Variants in AHCYL2 observed in about 807,000 individuals in gnomAD.
AHCYL2 encodes the protein adenosylhomocysteinase like 2.
In AHCYL2, 28 loss-of-function variants were observed where a neutral mutation model predicts 81.4. That is an observed-to-expected ratio of 0.34 (90% confidence interval 0.25 to 0.47). The LOEUF is 0.47. AHCYL2 is among the 20% of genes least tolerant of loss of function. The pLI, the probability that AHCYL2 is intolerant of heterozygous loss-of-function variation, is 1.00. For missense variants in AHCYL2, 551 were observed against 785.1 expected (o/e 0.70, Z 3.56); for synonymous variants, 272 against 290.2 (o/e 0.94, Z 0.64).
At chr7:129,311,992 T>C (rs1797673385) in intron 1 of AHCYL2, among the ~76,000 whole-genome samples, 1 of 152,194 alleles carries the variant, frequency 6.6e-6, no homozygotes, top group Non-Finnish European at 1.5e-5. Flanking sequence ...TTTTTTTTCT[T>C]CTTCTTTTGG....
intron 1 of AHCYL2, among the ~76,000 whole-genome samples, chr7:129,341,035 G>T (rs1237014198): frequency 6.6e-6 from 1 of 152,136 alleles, no homozygotes; most frequent in Non-Finnish European, 1.5e-5. Context: ...TCAAAAGTTG[G>T]CTGGGGCTGC....
intron 1 of AHCYL2, among the ~76,000 whole-genome samples, chr7:129,279,792 T>A (rs1796364268): frequency 6.6e-6 from 1 of 152,202 alleles, no homozygotes; most frequent in South Asian, 2.1e-4. Flanking sequence ...TAGGGTAACT[T>A]CTGATGTTGC....
intron 1 of AHCYL2, among the ~76,000 whole-genome samples, chr7:129,328,648 A>C (rs924751157): frequency 3.3e-5 from 5 of 151,634 alleles, no homozygotes; most frequent in Admixed American, 1.3e-4. Context: ...CTACCACCCA[A>C]CTAATTTTTG....
At chr7:129,264,551 T>G (rs1175789486) in intron 1 of AHCYL2, among the ~76,000 whole-genome samples, 1 of 151,984 alleles carries the variant, frequency 6.6e-6, no homozygotes, top group Non-Finnish European at 1.5e-5. Flanking sequence ...TCTGTGAAAT[T>G]ATAGTAGAGA....
rs146432565 is a variant in AHCYL2 at position 129,312,657 on chromosome 7, C to T, written c.364-66981C>T. 6.0e-4 allele frequency among the ~76,000 whole-genome samples: 92 copies of T among 152,216 alleles called. 2 individuals are homozygous for T. The East Asian group carries it at 0.016, about 27-fold the overall frequency. ...CAAGATTACCTTTTTGCTACAGTTA[C>T]CTATAACTATTTAGACTTTTTTTAT... On this transcript the variant is annotated intron_variant, in intron 1 of 16. Coordinates refer to ENST00000325006, the MANE Select transcript of AHCYL2 (RefSeq NM_015328.4).
intron 1 of AHCYL2, among the ~76,000 whole-genome samples, chr7:129,240,846 TA>T (rs1201121556): frequency 1.3e-5 from 2 of 152,044 alleles, no homozygotes; most frequent in African/African-American, 4.8e-5. Flanking sequence ...CCGAGGAATG[TA>T]GGGGGAAGAT....
At chr7:129,391,427 T>C (rs959784264) in intron 4 of AHCYL2, among the ~76,000 whole-genome samples, 6 of 152,226 alleles carry the variant, frequency 3.9e-5, no homozygotes, top group African/African-American at 1.4e-4. Context: ...CATTTGAAAA[T>C]TGTACCAGCT....
intron 1 of AHCYL2, among the ~76,000 whole-genome samples, chr7:129,325,728 C>CT (rs1272025375): frequency 2.0e-3 from 287 of 145,530 alleles, no homozygotes; most frequent in Middle Eastern, 7.0e-3. Flanking sequence ...TTTTCTTTTT[C>CT]TTTTTTTTTT....
intron 6 of AHCYL2, among the ~76,000 whole-genome samples, chr7:129,402,913 T>C (rs1796102248): frequency 7.0e-6 from 1 of 142,626 alleles, no homozygotes; most frequent in South Asian, 2.4e-4. Flanking sequence ...CTTAATTATC[T>C]GACCATTTAT....
At chr7:129,240,387 T>G (rs1026178258) in intron 1 of AHCYL2, among the ~76,000 whole-genome samples, 2 of 151,442 alleles carry the variant, frequency 1.3e-5, no homozygotes, top group African/African-American at 4.9e-5. Flanking sequence ...CAACAGGTAA[T>G]GCTTAAAACT....
chr7:129,373,452 T>A (rs1032952409), intron 1 of AHCYL2, among the ~76,000 whole-genome samples: 1 of 151,740 alleles, frequency 6.6e-6, no homozygotes, highest in Non-Finnish European at 1.5e-5. Context: ...GCAAAAAAAC[T>A]AGCCAGGCGT....
rs977034364 is a variant in AHCYL2, at chr7:129,281,963, C to T, written c.363+56524C>T. On this transcript the variant is annotated intron_variant, in intron 1 of 16. Transcript: ENST00000325006. ...TCAGTTAGAAACACTTCCTAATTTC[C>T]CTTTTGATTTGTTCTTTGACCCATC... is the stretch of plus-strand genomic sequence containing the variant. Among the ~76,000 whole-genome samples, 36 of 152,114 alleles carry T rather than the reference C, an allele frequency of 2.4e-4. 1 individual carries two copies. Among genetic ancestry groups the T allele is most frequent in the Non-Finnish European group, 4.4e-5 (3 of 68,008 alleles).
At chr7:129,423,196 A>G (rs113344972) in intron 13 of AHCYL2, among the ~76,000 whole-genome samples, 5 of 152,364 alleles carry the variant, frequency 3.3e-5, no homozygotes, top group African/African-American at 1.2e-4. Flanking sequence ...TTATTACTAT[A>G]GAAGGAATTC....
intron 1 of AHCYL2, among the ~76,000 whole-genome samples, chr7:129,304,531 A>G (rs1378620211): frequency 6.6e-6 from 1 of 152,176 alleles, no homozygotes; most frequent in Admixed American, 6.5e-5. Flanking sequence ...TTTAGCTCTA[A>G]TAATACTTCC....
chr7:129,269,897 C>A (rs549176995), intron 1 of AHCYL2, among the ~76,000 whole-genome samples: 20 of 152,080 alleles, frequency 1.3e-4, no homozygotes, highest in Non-Finnish European at 2.2e-4. Context: ...AAAATATATT[C>A]TTTATTGATA....
intron 1 of AHCYL2, among the ~76,000 whole-genome samples, chr7:129,259,214 G>C (rs1336990451): frequency 6.6e-6 from 1 of 152,162 alleles, no homozygotes; most frequent in East Asian, 1.9e-4. Flanking sequence ...GAGAGATGTG[G>C]TGTGTACCTA....
At chr7:129,314,253 CTG>C (rs1401157761) in intron 1 of AHCYL2, among the ~76,000 whole-genome samples, 1 of 152,200 alleles carries the variant, frequency 6.6e-6, no homozygotes, top group Non-Finnish European at 1.5e-5. Flanking sequence ...TTCCTCTGTA[CTG>C]TCTCATAATA....
At position 129,426,787 on chromosome 7, in the gene AHCYL2, A is replaced by G. The variant is rs1474392908; in HGVS notation, c.1829+224A>G. The stretch of plus-strand genomic sequence containing the variant: ...AGAGGTGGAGTTTGGGTAAGTGGCT[A>G]TTTGCCTCATTAAATAAAGTTCCCC... On this transcript the variant is annotated intron_variant, in intron 16 of 16. Coordinates refer to ENST00000325006, the MANE Select transcript of AHCYL2 (RefSeq NM_015328.4). This position sits in a 1 kb window ranked among gnomAD's most constrained non-coding sequence, Gnocchi z 4.3. Among the ~76,000 whole-genome samples, 3 of 139,772 alleles carry G rather than the reference A, an allele frequency of 2.1e-5. No individual in the cohort carries two copies. Among genetic ancestry groups the G allele is most frequent in the Admixed American group, 1.4e-4 (2 of 14,106 alleles). 91.7% of individuals were successfully genotyped at this position (139,772 alleles called of 152,430 possible).
chr7:129,424,778 G>A lies in AHCYL2; in HGVS notation c.1561-96G>A, dbSNP rs1797281620. On this transcript the variant is annotated intron_variant, in intron 13 of 16. Transcript: ENST00000325006. Reference sequence around the variant, plus strand: ...TTTTTCCAGCAGTGTTAGTCAGGAAGTGTTTGGAAAATGGTGGTCATGCTT... The same window carrying A: ...TTTTTCCAGCAGTGTTAGTCAGGAAATGTTTGGAAAATGGTGGTCATGCTT... The A allele has an allele frequency of 5.4e-6, 7 of 1,285,068 alleles. No homozygotes were observed. In the Admixed American group the frequency reaches 1.2e-4, roughly 22 times the overall value. The allele number at this position is 1,285,068 out of a possible 1,614,324, so 79.6% of individuals were successfully genotyped here.
Sources: gnomAD v4.1 joint callset for allele counts (sites outside exome capture counted in the v4.1 genomes callset) on GRCh38, gnomAD v4.1.1 for gene constraint, Gnocchi (gnomAD v3.1) non-coding constraint, MANE v1.5 for transcripts, NCBI Gene and HGNC (gene_info 2026-07-23, HGNC 2026-07-21) for gene names.